The following VSTM4 variants were observed in gnomAD, a reference collection of about 807,000 sequenced individuals.
VSTM4 encodes the protein V-set and transmembrane domain-containing protein 4.
A neutral mutation model predicts 36.4 loss-of-function variants in VSTM4; 20 were observed. The ratio of observed to expected loss-of-function variants is 0.55; its 90% CI spans 0.39 to 0.80. The LOEUF is 0.80. Among genes scored for constraint, VSTM4 ranks in the 30% least tolerant of loss-of-function variants. The probability of loss-of-function intolerance (pLI) is 0.00; values close to 1 mark genes in which losing one functional copy is unlikely to be tolerated. For synonymous variants in VSTM4, 182 were observed against 173.9 expected, an observed-to-expected ratio of 1.05 and a Z score of -0.37; for missense variants, 392 against 404.5, an observed-to-expected ratio of 0.97 and a Z score of 0.26.
intron 5 of VSTM4, among the ~76,000 whole-genome samples, chr10:49,060,489 T>C (rs1012739939): frequency 6.6e-6 from 1 of 152,270 alleles, no homozygotes; most frequent in African/African-American, 2.4e-5. Flanking sequence ...GCTCACCATT[T>C]GGATATCTTC....
intron 4 of VSTM4, 107 bp from the exon 5 acceptor site, chr10:49,064,843 G>C: frequency 6.1e-6 from 7 of 1,146,696 alleles, no homozygotes; most frequent in Non-Finnish European, 8.9e-6. Context: ...TCAGGTATTG[G>C]TGCTATACCA....
intron 2 of VSTM4, among the ~76,000 whole-genome samples, chr10:49,096,668 T>TGTGTGTGTGTGTGTGTGTGTGTGTGTG (rs1564593231): frequency 2.0e-5 from 3 of 147,164 alleles, no homozygotes; most frequent in African/African-American, 7.6e-5. Context: ...TGTGTGTGTG[T>TGTGTGTGTGTGTGTGTGTGTGTGTGTG]TTTGAGACGG....
chr10:49,079,902 T>A lies in VSTM4; in HGVS notation c.527-2576A>T, dbSNP rs1320176932. Among the ~76,000 whole-genome samples the A allele has an allele frequency of 2.0e-5, 3 of 151,748 alleles. 1 individual carries two copies. In the East Asian group the frequency reaches 5.8e-4, roughly 29 times the overall value. On this transcript the variant is annotated intron_variant, in intron 3 of 7. Coordinates refer to ENST00000332853, the MANE Select transcript of VSTM4 (RefSeq NM_001031746.5). ...TGATGAATATGCATATATTTTTAAATTGAGATCATATACTTTCACATCTTT... is the reference window on the plus strand; with the variant it reads ...TGATGAATATGCATATATTTTTAAAATGAGATCATATACTTTCACATCTTT...
intron 1 of VSTM4, among the ~76,000 whole-genome samples, chr10:49,113,041 C>T (rs1403047209): frequency 6.6e-6 from 1 of 152,126 alleles, no homozygotes. Flanking sequence ...GGGCACAGTC[C>T]CTCGGTTCTG....
chr10:49,111,810 G>T (rs1284961826), intron 1 of VSTM4, among the ~76,000 whole-genome samples: 3 of 152,202 alleles, frequency 2.0e-5, no homozygotes, highest in Non-Finnish European at 4.4e-5. Flanking sequence ...AAAGACATGG[G>T]AGAATATAAC....
At chr10:49,059,086 T>A (rs1170270907) in intron 5 of VSTM4, among the ~76,000 whole-genome samples, 2 of 152,168 alleles carry the variant, frequency 1.3e-5, no homozygotes, top group Non-Finnish European at 2.9e-5. Context: ...AATTGACCAA[T>A]TCACTAGCAC....
rs1843079094 is a variant in VSTM4, at chr10:49,014,754, C to G, written c.*4896G>C. 6.6e-6 allele frequency: 1 copy of G among 152,630 alleles called. No individual in the cohort carries two copies. The highest frequency in any genetic ancestry group is 1.5e-5 in the Non-Finnish European group (1 of 68,340). The allele number at this position is 152,630 out of a possible 1,614,324, so 9.5% of individuals were successfully genotyped here. A position where few individuals can be genotyped will look rare whatever the true frequency, so the allele number is the denominator to read the frequency against. On this transcript the variant is annotated 3_prime_UTR_variant, in exon 8 of 8. Coordinates refer to ENST00000332853, the MANE Select transcript of VSTM4 (RefSeq NM_001031746.5). ...TCTTCCTTTGAGACACCCCTAGGAG[C>G]AGCTTTCTCCTGGCTCTCCCCTGCT... is the stretch of plus-strand genomic sequence containing the variant.
At chr10:49,070,582 G>A (rs1433788431) in intron 4 of VSTM4, among the ~76,000 whole-genome samples, 1 of 152,204 alleles carries the variant, frequency 6.6e-6, no homozygotes, top group Admixed American at 6.5e-5. Flanking sequence ...TGCCAGGAAC[G>A]GCAGTCACTC....
chr10:49,083,888 C>G (rs34373855), intron 3 of VSTM4, among the ~76,000 whole-genome samples: 14,634 of 152,252 alleles, frequency 0.096, 944 homozygotes, highest in East Asian at 0.21. Flanking sequence ...TGAAAGTTCT[C>G]TGATCCCTTC....
Position 49,019,433 on chromosome 10 carries a change from C to A in VSTM4, c.*217G>T, listed in dbSNP as rs1001671536. The A allele has an allele frequency of 1.2e-4, 55 of 455,970 alleles. No homozygotes were observed. The highest frequency in any genetic ancestry group is 1.8e-4 in the Non-Finnish European group (53 of 290,998). 28.2% of individuals were successfully genotyped at this position (455,970 alleles called of 1,614,324 possible). ...TACGCTCAGGGCTCAAACCCAGGCGCATCTTGTCCCGGGAGATCTGTCAAG... is the reference window on the plus strand; with the variant it reads ...TACGCTCAGGGCTCAAACCCAGGCGAATCTTGTCCCGGGAGATCTGTCAAG... On this transcript the variant is annotated 3_prime_UTR_variant, in exon 8 of 8. Coordinates refer to ENST00000332853, the MANE Select transcript of VSTM4 (RefSeq NM_001031746.5).
At chr10:49,037,759 C>CA (rs1590076144) in intron 7 of VSTM4, among the ~76,000 whole-genome samples, 1 of 152,038 alleles carries the variant, frequency 6.6e-6, no homozygotes. Flanking sequence ...TCAGCAACAA[C>CA]AAAAAATCAA....
chr10:49,108,052 C>T, intron 1 of VSTM4, 57 bp from the exon 2 acceptor site: 2 of 1,491,482 alleles, frequency 1.3e-6, no homozygotes, highest in Non-Finnish European at 9.0e-7. Flanking sequence ...CCCCTGTGGG[C>T]AGTCCACAGT....
At chr10:49,102,012 T>C (rs555578561) in intron 2 of VSTM4, among the ~76,000 whole-genome samples, 13 of 152,252 alleles carry the variant, frequency 8.5e-5, no homozygotes, top group Admixed American at 1.3e-4. Context: ...TGAATGTCAA[T>C]AGGAAAGAGA....
intron 2 of VSTM4, among the ~76,000 whole-genome samples, chr10:49,095,483 C>A (rs558471930): frequency 6.6e-6 from 1 of 152,290 alleles, no homozygotes; most frequent in East Asian, 1.9e-4. Context: ...CCTCTTGTTG[C>A]TGCCCACCCC....
chr10:49,051,569 TA>T (rs754762050), intron 5 of VSTM4, among the ~76,000 whole-genome samples: 18 of 152,264 alleles, frequency 1.2e-4, no homozygotes, highest in Non-Finnish European at 2.1e-4. Flanking sequence ...CTAATTTTTG[TA>T]TTTTTAGTAG....
intron 4 of VSTM4, among the ~76,000 whole-genome samples, chr10:49,067,299 T>C (rs1843990806): frequency 6.6e-6 from 1 of 152,244 alleles, no homozygotes; most frequent in African/African-American, 2.4e-5. Flanking sequence ...ATCTTCACAG[T>C]AGCCTTGTCA....
At chr10:49,090,934 G>A (rs895432045) in intron 2 of VSTM4, among the ~76,000 whole-genome samples, 1 of 151,198 alleles carries the variant, frequency 6.6e-6, no homozygotes, top group Non-Finnish European at 1.5e-5. Context: ...ACCATGACAA[G>A]GGCAGTGCAA....
chr10:49,093,335 C>T (rs1015541863), intron 2 of VSTM4, among the ~76,000 whole-genome samples: 2 of 152,164 alleles, frequency 1.3e-5, no homozygotes, highest in African/African-American at 4.8e-5. Context: ...CCAAAGAAGC[C>T]AGCCACACCC....
At chr10:49,066,756 A>G (rs1219422631) in intron 4 of VSTM4, among the ~76,000 whole-genome samples, 2 of 152,166 alleles carry the variant, frequency 1.3e-5, no homozygotes, top group Admixed American at 6.5e-5. Flanking sequence ...CTAATTTTCC[A>G]AAGTTTACTA....
Sources: allele counts gnomAD v4.1 joint callset (sites outside exome capture counted in the v4.1 genomes callset), GRCh38; gene constraint gnomAD v4.1.1; transcripts MANE v1.5; gene names NCBI Gene and HGNC (gene_info 2026-07-23, HGNC 2026-07-21).